Variants in WHR1 observed in about 807,000 individuals in gnomAD.
WHR1 encodes the protein MHC class III HLA-RP1.
At chr6:31,981,003 G>A in the WHR1 span, 1 of 541,258 alleles carries the variant, frequency 1.8e-6, no homozygotes, top group East Asian at 2.9e-5. Context: ...CTCCTGCACA[G>A]CATCTCTACC....
the WHR1 span, among the ~76,000 whole-genome samples, chr6:31,978,586 T>C: frequency 6.6e-6 from 1 of 152,212 alleles, no homozygotes; most frequent in Non-Finnish European, 1.5e-5. Flanking sequence ...CACCTTACCC[T>C]ACCCAGAATT....
the WHR1 span, chr6:31,972,802 C>T: frequency 6.2e-7 from 1 of 1,602,632 alleles, no homozygotes; most frequent in Non-Finnish European, 8.5e-7. This position sits in a 1 kb window ranked among gnomAD's most constrained non-coding sequence, Gnocchi z 6.3. Flanking sequence ...TTCCTAACTC[C>T]TGGAATTCCC....
At chr6:31,971,375 C>T in the WHR1 span, 1 of 1,574,854 alleles carries the variant, frequency 6.3e-7, no homozygotes, top group Admixed American at 1.8e-5. The surrounding 1 kb of genome is among the most constrained non-coding windows in gnomAD (Gnocchi z 4.5). Context: ...TCCAGCCTTT[C>T]CTGGACCTCC....
the WHR1 span, chr6:31,972,006 T>C: frequency 1.2e-6 from 2 of 1,603,546 alleles, no homozygotes; most frequent in Non-Finnish European, 1.7e-6. The surrounding 1 kb of genome is among the most constrained non-coding windows in gnomAD (Gnocchi z 6.3). Context: ...GATGCAAAAG[T>C]GGTTTTCTGC....
the WHR1 span, chr6:31,972,483 G>GGAGTC: frequency 6.2e-7 from 1 of 1,612,728 alleles, no homozygotes; most frequent in Non-Finnish European, 8.5e-7. The surrounding 1 kb of genome is among the most constrained non-coding windows in gnomAD (Gnocchi z 6.3). Flanking sequence ...GAGGGCCTGT[G>GGAGTC]GAGTCGGATC....
chr6:31,979,200 G>T, the WHR1 span, among the ~76,000 whole-genome samples: 1 of 129,286 alleles, frequency 7.7e-6, no homozygotes, highest in Non-Finnish European at 1.7e-5. Context: ...TAAAGAGGGG[G>T]GGAGAGGAGG....
At chr6:31,972,783 GAAGCCCCTTTCCTA>G in the WHR1 span, 4 of 1,607,366 alleles carry the variant, frequency 2.5e-6, no homozygotes, top group Non-Finnish European at 3.4e-6. The surrounding 1 kb of genome is among the most constrained non-coding windows in gnomAD (Gnocchi z 6.3). Context: ...GCGACCGCCG[GAAGCCCCTTTCCTA>G]ACTCCTGGAA....
chr6:31,979,273 AGAG>A, the WHR1 span: 4 of 999,256 alleles, frequency 4.0e-6, no homozygotes, highest in Non-Finnish European at 5.7e-6. Flanking sequence ...AGGAGGATGA[AGAG>A]GAGGAGGAAG....
At chr6:31,976,293 G>A in the WHR1 span, among the ~76,000 whole-genome samples, 9 of 151,764 alleles carry the variant, frequency 5.9e-5, no homozygotes, top group East Asian at 7.8e-4. Flanking sequence ...TGGAGGGGGC[G>A]GCTGCCGGGC....
chr6:31,975,891 G>A, the WHR1 span, among the ~76,000 whole-genome samples: 10 of 151,192 alleles, frequency 6.6e-5, no homozygotes, highest in Non-Finnish European at 1.2e-4. Context: ...CGGACAGGGC[G>A]GCTGGCCGGG....
At chr6:31,972,502 G>A in the WHR1 span, 4 of 1,608,594 alleles carry the variant, frequency 2.5e-6, no homozygotes, top group Non-Finnish European at 3.4e-6. The surrounding 1 kb of genome is among the most constrained non-coding windows in gnomAD (Gnocchi z 6.3). Flanking sequence ...TCCTCTTCGG[G>A]GTGAGCCAGG....
the WHR1 span, among the ~76,000 whole-genome samples, chr6:31,975,353 C>T: frequency 6.6e-6 from 1 of 152,080 alleles, no homozygotes. Flanking sequence ...AGGCACGCGC[C>T]ACCATGCCCA....
At chr6:31,972,504 T>C in the WHR1 span, 6 of 1,607,952 alleles carry the variant, frequency 3.7e-6, no homozygotes, top group East Asian at 2.2e-5. The surrounding 1 kb of genome is among the most constrained non-coding windows in gnomAD (Gnocchi z 6.3). Flanking sequence ...CTCTTCGGGG[T>C]GAGCCAGGTA....
At chr6:31,977,741 C>T in the WHR1 span, among the ~76,000 whole-genome samples, 5 of 152,122 alleles carry the variant, frequency 3.3e-5, no homozygotes, top group South Asian at 2.1e-4. Flanking sequence ...CCACCCTTAG[C>T]GTCCCAAAGT....
At chr6:31,975,490 C>G in the WHR1 span, among the ~76,000 whole-genome samples, 2 of 151,704 alleles carry the variant, frequency 1.3e-5, no homozygotes, top group African/African-American at 2.4e-5. Context: ...CATGATCCAC[C>G]GCACCCGGCC....
chr6:31,971,821 A>G, the WHR1 span: 1 of 1,322,992 alleles, frequency 7.6e-7, no homozygotes, highest in Non-Finnish European at 1.0e-6. The surrounding 1 kb of genome is among the most constrained non-coding windows in gnomAD (Gnocchi z 4.5). Context: ...ACCGCGGCCA[A>G]GCTCTCATCC....
the WHR1 span, chr6:31,973,125 AGATAGTG>A: frequency 8.4e-6 from 4 of 476,530 alleles, no homozygotes; most frequent in Admixed American, 1.1e-4. Flanking sequence ...GGTGTATTGG[AGATAGTG>A]GATGAGGCAG....
the WHR1 span, chr6:31,971,249 G>A: frequency 4.5e-6 from 7 of 1,541,862 alleles, no homozygotes; most frequent in South Asian, 3.7e-5. This position sits in a 1 kb window ranked among gnomAD's most constrained non-coding sequence, Gnocchi z 4.5. Context: ...TTCTCACCCC[G>A]GCTTTGGCTC....
chr6:31,978,781 C>G, the WHR1 span: 1 of 800,230 alleles, frequency 1.2e-6, no homozygotes, highest in South Asian at 1.8e-5. Flanking sequence ...ACAGTTTTTC[C>G]TTTACTAAGA....
Sources: gnomAD v4.1 joint callset for allele counts (sites outside exome capture counted in the v4.1 genomes callset) on GRCh38, gnomAD v4.1.1 for gene constraint, Gnocchi (gnomAD v3.1) non-coding constraint, MANE v1.5 for transcripts, NCBI Gene and HGNC (gene_info 2026-07-23, HGNC 2026-07-21) for gene names.